CSMD1: variants seen among roughly 807,000 people sequenced by gnomAD.
CSMD1 encodes the protein CUB and Sushi multiple domains 1.
In CSMD1, 213 loss-of-function variants were observed where a neutral mutation model predicts 417.5. The observed-to-expected ratio is 0.51, with a 90% CI of 0.46 to 0.57. The LOEUF (loss-of-function observed/expected upper bound fraction) is 0.57, where lower values mean the gene tolerates loss of function less well. Among genes scored for constraint, CSMD1 ranks in the 20% least tolerant of loss-of-function variants. The pLI is 0.00. For synonymous variants in CSMD1, 2,862 were observed against 1,736.8 expected, an observed-to-expected ratio of 1.65 and a Z score of -16.11; for missense variants, 6,923 against 4,529.7, an observed-to-expected ratio of 1.53 and a Z score of -15.17.
rs75257190 is a variant in CSMD1, at chr8:4,227,287, G to C, written c.415+192666C>G. On this transcript the variant is annotated intron_variant, in intron 3 of 69. Transcript: ENST00000635120. Reference sequence around the variant, plus strand: ...CAAGATGGCGACCACATATCCCCTCGGTCTGCCTTGGGGGCTGTCGTGGCC... The same window carrying C: ...CAAGATGGCGACCACATATCCCCTCCGTCTGCCTTGGGGGCTGTCGTGGCC... 2.2e-3 allele frequency among the ~76,000 whole-genome samples: 338 copies of C among 152,096 alleles called. 1 individual carries two copies. Among genetic ancestry groups the C allele is most frequent in the African/African-American group, 7.9e-3 (328 of 41,462 alleles).
intron 23 of CSMD1, among the ~76,000 whole-genome samples, chr8:3,316,654 T>A (rs1404567360): frequency 6.6e-6 from 1 of 151,998 alleles, no homozygotes; most frequent in Non-Finnish European, 1.5e-5. Context: ...ACAGGAACAT[T>A]TGTATATGCT....
chr8:4,855,111 C>T (rs542410972), intron 1 of CSMD1, among the ~76,000 whole-genome samples: 3 of 151,856 alleles, frequency 2.0e-5, no homozygotes, highest in Non-Finnish European at 2.9e-5. Context: ...TGACCCCTGA[C>T]CCCCGAGCAG....
intron 3 of CSMD1, among the ~76,000 whole-genome samples, chr8:4,332,451 C>T (rs1799919668): frequency 6.6e-6 from 1 of 151,898 alleles, no homozygotes; most frequent in African/African-American, 2.4e-5. Context: ...TAGGTAAAAA[C>T]AGTGTGTACT....
In CSMD1 at chr8:4,032,086, G is replaced by T. The variant is rs772201365; in HGVS notation, c.429C>A (p.His143Gln). The T allele has an allele frequency of 6.2e-7, 1 of 1,611,210 alleles. No homozygotes were observed. Among genetic ancestry groups the T allele is most frequent in the Admixed American group, 1.7e-5 (1 of 59,860 alleles). ...GGATTTCTCCAGGATTTCCACAAGT[G>T]TGGCTAGGTAAAACTATTGGAAAAA... ...FKALYEVLPS[H>Q]TCGNPGEILK... Residue 143 changes from histidine to glutamine, a missense_variant, in exon 4 of 70, where the codon CAC becomes CAA. By Grantham distance (24) the His-to-Gln change is conservative. Coordinates refer to ENST00000635120, the MANE Select transcript of CSMD1 (RefSeq NM_033225.6).
chr8:4,371,167 A>T (rs909649001), intron 3 of CSMD1, among the ~76,000 whole-genome samples: 6 of 152,038 alleles, frequency 3.9e-5, no homozygotes, highest in African/African-American at 1.4e-4. Flanking sequence ...GAATGACTTT[A>T]TTTCTGGATA....
chr8:4,529,162 G>A (rs1796669672), intron 2 of CSMD1, among the ~76,000 whole-genome samples: 1 of 152,058 alleles, frequency 6.6e-6, no homozygotes, highest in South Asian at 2.1e-4. Flanking sequence ...ACCCTTTGGG[G>A]GATCCCTGAG....
intron 3 of CSMD1, among the ~76,000 whole-genome samples, chr8:4,306,612 C>T (rs549778680): frequency 6.6e-6 from 1 of 152,050 alleles, no homozygotes; most frequent in Non-Finnish European, 1.5e-5. Context: ...CCTTCTTGGC[C>T]TCTTCAATCT....
At chr8:4,875,320 T>C (rs1295662208) in intron 1 of CSMD1, among the ~76,000 whole-genome samples, 1 of 152,128 alleles carries the variant, frequency 6.6e-6, no homozygotes, top group Non-Finnish European at 1.5e-5. Context: ...TATGACCTTG[T>C]AATAACATGC....
At chr8:3,090,316 CAAA>C (rs35534326) in intron 48 of CSMD1, among the ~76,000 whole-genome samples, 24 of 79,786 alleles carry the variant, frequency 3.0e-4, no homozygotes, top group Non-Finnish European at 4.6e-4. Context: ...GACTGTATTT[CAAA>C]AAAAAAAAAA....
intron 52 of CSMD1, among the ~76,000 whole-genome samples, chr8:3,000,707 T>A (rs1374184277): frequency 6.6e-6 from 1 of 151,966 alleles, no homozygotes; most frequent in Non-Finnish European, 1.5e-5. Flanking sequence ...AAGTCTAGAG[T>A]TCCAGGGACA....
At chr8:4,454,507 G>C (rs1245452330) in intron 2 of CSMD1, among the ~76,000 whole-genome samples, 1 of 152,020 alleles carries the variant, frequency 6.6e-6, no homozygotes, top group Admixed American at 6.5e-5. Flanking sequence ...TACAATCCTT[G>C]GAAGCAAAGA....
intron 3 of CSMD1, among the ~76,000 whole-genome samples, chr8:4,376,550 CTCATA>C (rs1327322371): frequency 1.3e-5 from 2 of 151,994 alleles, no homozygotes; most frequent in African/African-American, 2.4e-5. Context: ...TTAATTTTAT[CTCATA>C]TATTTGCCTG....
At chr8:3,677,561 G>T (rs56196014) in intron 7 of CSMD1, among the ~76,000 whole-genome samples, 19,861 of 152,116 alleles carry the variant, frequency 0.13, 1,570 homozygotes, top group South Asian at 0.21. Flanking sequence ...ACCCAGAAGG[G>T]TTTGGAGATG....
chr8:4,065,987 G>C (rs1394986967), intron 3 of CSMD1, among the ~76,000 whole-genome samples: 1 of 152,132 alleles, frequency 6.6e-6, no homozygotes, highest in Non-Finnish European at 1.5e-5. Flanking sequence ...AATAAAATAG[G>C]GGAAGGAGAC....
chr8:4,108,081 G>C (rs549400068), intron 3 of CSMD1, among the ~76,000 whole-genome samples: 52 of 150,960 alleles, frequency 3.4e-4, no homozygotes, highest in South Asian at 1.3e-3. Flanking sequence ...GACAGAGAGA[G>C]AGACAGAGAG....
In CSMD1 at chr8:3,020,127, T is replaced by C. The variant is rs540734277; in HGVS notation, c.7856-1477A>G. On this transcript the variant is annotated intron_variant, in intron 51 of 69. Transcript: ENST00000635120. ...CTGCCAGACAGGAGCCAGGCAGCAC[T>C]TGCCAATTTTCTAAGTCTCTGGGCC... Among the ~76,000 whole-genome samples the C allele has an allele frequency of 2.4e-3, 361 of 152,344 alleles. 1 individual carries two copies. Among genetic ancestry groups the C allele is most frequent in the African/African-American group, 8.1e-3 (337 of 41,580 alleles).
chr8:4,869,017 T>G (rs567490481), intron 1 of CSMD1, among the ~76,000 whole-genome samples: 7 of 152,060 alleles, frequency 4.6e-5, no homozygotes, highest in Admixed American at 4.6e-4. Context: ...ACATTTTATA[T>G]TTTGTTATAT....
chr8:3,263,732 C>T (rs559641608), intron 26 of CSMD1, among the ~76,000 whole-genome samples: 1 of 152,238 alleles, frequency 6.6e-6, no homozygotes, highest in South Asian at 2.1e-4. Context: ...CAATTAAGTT[C>T]TTAAGATGGC....
chr8:4,223,743 C>T (rs1031292645), intron 3 of CSMD1, among the ~76,000 whole-genome samples: 1 of 152,180 alleles, frequency 6.6e-6, no homozygotes, highest in East Asian at 1.9e-4. Flanking sequence ...GGGTCAGATT[C>T]TCAGAATATT....
Sources: gnomAD v4.1 joint callset for allele counts (sites outside exome capture counted in the v4.1 genomes callset) on GRCh38, gnomAD v4.1.1 for gene constraint, MANE v1.5 for transcripts, NCBI Gene and HGNC (gene_info 2026-07-23, HGNC 2026-07-21) for gene names.